Variants in MAP4 observed in about 807,000 individuals in gnomAD.
MAP4 encodes microtubule associated protein 4.
A neutral mutation model predicts 170.2 loss-of-function variants in MAP4; 76 were observed. That is an observed-to-expected ratio of 0.45 (90% confidence interval 0.37 to 0.54). The LOEUF (loss-of-function observed/expected upper bound fraction) is 0.54. MAP4 is among the 20% of genes least tolerant of loss of function. The pLI is 0.00. For synonymous variants in MAP4, 909 were observed against 994.5 expected, an observed-to-expected ratio of 0.91 and a Z score of 1.62; for missense variants, 2,506 against 2,748.0, an observed-to-expected ratio of 0.91 and a Z score of 1.97.
intron 1 of MAP4, among the ~76,000 whole-genome samples, chr3:48,075,247 G>A (rs934069412): frequency 3.9e-5 from 6 of 152,134 alleles, no homozygotes; most frequent in Non-Finnish European, 8.8e-5. Flanking sequence ...AGTCCAGGCC[G>A]GGCACGGTGG....
In MAP4 at chr3:47,909,124, C is replaced by A. The variant is rs752575523; in HGVS notation, c.5297G>T (p.Arg1766Ile). 1 of 1,613,832 alleles carries A rather than the reference C, an allele frequency of 6.2e-7. No individual in the cohort carries two copies. The highest frequency in any genetic ancestry group is 1.7e-5 in the Admixed American group (1 of 60,002). The change falls in exon 9 of 21, where the codon AGA (arginine) becomes ATA (isoleucine). Residue 1766 changes from arginine (R) to isoleucine (I), a missense_variant. Around this residue, in one of 3 missense-constraint regions of MAP4, gnomAD observed 2,008 missense variants for 2,206.0 expected, o/e 0.91. Coordinates refer to ENST00000683076, the MANE Select transcript of MAP4 (RefSeq NM_001385682.1). Reference protein sequence around the residue: ...RMAEPMKGYMRPTKSRGLTPL... With the variant: ...RMAEPMKGYMIPTKSRGLTPL... ...AGTAAGTCCTCGGGACTTGGTGGGTCTCATGTAGCCTTTCATTGGTTCTGC... is the reference window on the plus strand; with the variant it reads ...AGTAAGTCCTCGGGACTTGGTGGGTATCATGTAGCCTTTCATTGGTTCTGC...
chr3:47,903,754 G>GT (rs374392214), intron 9 of MAP4, among the ~76,000 whole-genome samples: 71 of 152,282 alleles, frequency 4.7e-4, no homozygotes, highest in African/African-American at 1.7e-3. Flanking sequence ...TCTAAACAGG[G>GT]TAAGATCAGC....
intron 3 of MAP4, among the ~76,000 whole-genome samples, chr3:47,945,905 G>A (rs2100059545): frequency 6.6e-6 from 1 of 150,824 alleles, no homozygotes; most frequent in African/African-American, 2.4e-5. Flanking sequence ...GTAGAGACAG[G>A]GCTTCGCCGT....
chr3:47,890,451 T>C (rs886307641), intron 10 of MAP4, among the ~76,000 whole-genome samples: 1 of 152,130 alleles, frequency 6.6e-6, no homozygotes, highest in African/African-American at 2.4e-5. Context: ...ATAGCTAGCT[T>C]TAAAGGGCTC....
At position 47,909,822 on chromosome 3, in the gene MAP4, A is replaced by C. The variant is rs1417167003; in HGVS notation, c.4599T>G (p.Leu1533=). 1 of 1,613,878 alleles carries C rather than the reference A, an allele frequency of 6.2e-7. No homozygotes were observed. Among genetic ancestry groups the C allele is most frequent in the Non-Finnish European group, 8.5e-7 (1 of 1,179,876 alleles). Residue 1533 remains leucine (L), a synonymous_variant, in exon 9 of 21, where the codon CTT becomes CTG. Transcript: ENST00000683076. ...GDHSLKNKAE[L]ADSMKNEAGI... ...CTGCTTCATTTTTCATGGAATCAGC[A>C]AGCTCAGCTTTATTCTTAAGAGAGT...
At chr3:48,061,586 A>C (rs375614958) in intron 1 of MAP4, among the ~76,000 whole-genome samples, 3 of 146,040 alleles carry the variant, frequency 2.1e-5, no homozygotes, top group Non-Finnish European at 4.5e-5. Context: ...CCAAAGTGCC[A>C]AGATTGCAGC....
upstream of MAP4, among the ~76,000 whole-genome samples, chr3:48,017,866 C>A (rs2100108582): frequency 6.6e-6 from 1 of 152,136 alleles, no homozygotes; most frequent in Non-Finnish European, 1.5e-5. Context: ...AACCTTTTGG[C>A]ACCAGGGACA....
At chr3:48,081,308 A>T (rs1042215618) in intron 1 of MAP4, among the ~76,000 whole-genome samples, 10 of 151,478 alleles carry the variant, frequency 6.6e-5, no homozygotes, top group Non-Finnish European at 1.3e-4. Context: ...AATAAATAAA[A>T]TAAATAAATA....
At chr3:47,943,160 T>C (rs2100057571) in intron 3 of MAP4, among the ~76,000 whole-genome samples, 1 of 151,996 alleles carries the variant, frequency 6.6e-6, no homozygotes, top group South Asian at 2.1e-4. Context: ...AGTATTTCAA[T>C]AAAAAAAGTG....
chr3:48,060,809 A>C (rs1697619753), intron 1 of MAP4, among the ~76,000 whole-genome samples: 1 of 152,146 alleles, frequency 6.6e-6, no homozygotes. Flanking sequence ...CCCAATCTCA[A>C]AATAAATAAA....
At chr3:47,920,834 G>A (rs1018705813) in intron 5 of MAP4, among the ~76,000 whole-genome samples, 3 of 152,324 alleles carry the variant, frequency 2.0e-5, no homozygotes, top group South Asian at 2.1e-4. Flanking sequence ...TTACAGGCAT[G>A]AGCCACTGTG....
rs767906151 is a variant in MAP4 at position 47,914,827 on chromosome 3, T to C, written c.1989A>G (p.Ser663=). 21 of 1,614,072 alleles carry C rather than the reference T, an allele frequency of 1.3e-5. No individual in the cohort carries two copies. The South Asian group carries it at 1.9e-4, about 14-fold the overall frequency. Residue 663 remains serine (S), a synonymous_variant, in exon 8 of 21, where the codon TCA becomes TCG. Transcript: ENST00000683076. ...GTTTTCCTAACTTACCTGAGGTCTC[T>C]GAAGAAAGCTCAGAAGGTTGACTGT... ...PCNSQPSELS[S]ETSANFMYCG...
intron 5 of MAP4, among the ~76,000 whole-genome samples, chr3:47,921,090 G>C (rs1387139278): frequency 6.6e-6 from 1 of 152,166 alleles, no homozygotes; most frequent in East Asian, 1.9e-4. Context: ...CAAGGCTGCA[G>C]TGGGCCGTGA....
chr3:47,903,018 A>G lies in MAP4; in HGVS notation c.5384-18T>C. 1 of 981,644 alleles carries G rather than the reference A, an allele frequency of 1.0e-6. No individual in the cohort carries two copies. The highest frequency in any genetic ancestry group is 1.2e-6 in the Non-Finnish European group (1 of 826,494). The allele number at this position is 981,644 out of a possible 1,614,324, so 60.8% of individuals were successfully genotyped here. A position where few individuals can be genotyped will look rare whatever the true frequency, so the allele number is the denominator to read the frequency against. On this transcript the variant is annotated intron_variant, in intron 9 of 20. Transcript: ENST00000683076. ...CAAGCAAACTGAAGAAAGAAATGAA[A>G]GCCAGATTATAAGAAGACCAGGCTT...
intron 17 of MAP4, among the ~76,000 whole-genome samples, chr3:47,867,003 C>T (rs535511849): frequency 6.6e-6 from 1 of 152,278 alleles, no homozygotes; most frequent in East Asian, 1.9e-4. Context: ...AATCCAAAGC[C>T]TCCCACCCAT....
At chr3:47,946,354 G>A (rs1477356919) in intron 3 of MAP4, among the ~76,000 whole-genome samples, 1 of 151,522 alleles carries the variant, frequency 6.6e-6, no homozygotes, top group Admixed American at 6.6e-5. Context: ...CAAAACAAGA[G>A]TAAAATAAAC....
chr3:47,888,325 C>T (rs368402321), intron 10 of MAP4, among the ~76,000 whole-genome samples: 9 of 152,258 alleles, frequency 5.9e-5, no homozygotes, highest in African/African-American at 2.2e-4. Flanking sequence ...TTTGTTCTTT[C>T]GTTCTTTGCA....
chr3:47,921,652 C>T, intron 5 of MAP4, 113 bp downstream of exon 5: 1 of 631,944 alleles, frequency 1.6e-6, no homozygotes, highest in Non-Finnish European at 2.8e-6. Flanking sequence ...AAACTTTGGT[C>T]TCTTTTTTCT....
intron 1 of MAP4, among the ~76,000 whole-genome samples, chr3:48,078,095 T>C (rs2100144841): frequency 1.3e-5 from 2 of 152,298 alleles, no homozygotes; most frequent in East Asian, 3.9e-4. Context: ...ACTTAGATAA[T>C]GGTGGTAGTT....
Sources: allele counts gnomAD v4.1 joint callset (sites outside exome capture counted in the v4.1 genomes callset), GRCh38; gene constraint gnomAD v4.1.1; regional missense constraint gnomAD v4.1.1; transcripts MANE v1.5; gene names NCBI Gene and HGNC (gene_info 2026-07-23, HGNC 2026-07-21).